Variants in CDH13 observed in about 807,000 individuals in gnomAD.
The protein encoded by CDH13 is cadherin-13.
CDH13 carries 24 observed loss-of-function variants against 63.8 expected under a neutral mutation model. That is an observed-to-expected ratio of 0.38 (90% CI 0.27 to 0.53). The LOEUF is 0.53. Among genes scored for constraint, CDH13 ranks in the 20% least tolerant of loss-of-function variants. CDH13 has a pLI of 0.85. For synonymous variants in CDH13, 503 were observed against 355.3 expected (o/e 1.42, Z -4.67); for missense variants, 1,049 against 903.1 (o/e 1.16, Z -2.07).
intron 4 of CDH13, among the ~76,000 whole-genome samples, chr16:83,216,443 T>TATATATATATATATATATATATAC (rs1472700247): frequency 1.1e-5 from 1 of 93,420 alleles, no homozygotes; most frequent in Non-Finnish European, 2.2e-5. Context: ...TATATATATA[T>TATATATATATATATATATATATAC]ACACAACCCT....
At chr16:83,181,710 T>A (rs545655087) in intron 4 of CDH13, among the ~76,000 whole-genome samples, 1 of 152,136 alleles carries the variant, frequency 6.6e-6, no homozygotes, top group African/African-American at 2.4e-5. Flanking sequence ...TAACCTGGGG[T>A]GTTCACCCTT....
chr16:83,314,968 G>A (rs2090076281), intron 5 of CDH13, among the ~76,000 whole-genome samples: 1 of 152,158 alleles, frequency 6.6e-6, no homozygotes. Context: ...AAAAGACTTG[G>A]GAGGTGGGCA....
At chr16:83,303,433 A>T (rs548562826) in intron 5 of CDH13, among the ~76,000 whole-genome samples, 2 of 152,310 alleles carry the variant, frequency 1.3e-5, no homozygotes, top group South Asian at 2.1e-4. Context: ...GGGAATGAAT[A>T]AGCCCAGTGC....
chr16:82,982,616 G>A (rs534644824), intron 2 of CDH13, among the ~76,000 whole-genome samples: 15 of 152,264 alleles, frequency 9.9e-5, no homozygotes, highest in Admixed American at 9.8e-4. Flanking sequence ...CCAGAGAAAT[G>A]CATTCTTATC....
chr16:83,173,973 G>A (rs887600605), intron 4 of CDH13, among the ~76,000 whole-genome samples: 1 of 152,060 alleles, frequency 6.6e-6, no homozygotes, highest in African/African-American at 2.4e-5. Context: ...TATCACACCA[G>A]CATGTAGAGA....
At chr16:83,315,123 A>G (rs556150717) in intron 5 of CDH13, among the ~76,000 whole-genome samples, 15 of 152,352 alleles carry the variant, frequency 9.8e-5, no homozygotes, top group African/African-American at 3.6e-4. Flanking sequence ...AACCAGCACA[A>G]TAGTAGCCTG....
intron 3 of CDH13, among the ~76,000 whole-genome samples, chr16:83,058,349 C>T (rs1230635917): frequency 6.6e-6 from 1 of 152,190 alleles, no homozygotes; most frequent in Non-Finnish European, 1.5e-5. Flanking sequence ...GGGTTTTCTG[C>T]GTGTGCCGCT....
At chr16:83,383,121 A>C (rs1171561915) in intron 6 of CDH13, 5 of 152,186 alleles carry the variant, frequency 3.3e-5, no homozygotes, top group African/African-American at 1.2e-4. Flanking sequence ...GTTTGGAAGA[A>C]TGCAGCCCTA....
chr16:82,797,141 A>G (rs1242919812), intron 1 of CDH13, among the ~76,000 whole-genome samples: 1 of 152,160 alleles, frequency 6.6e-6, no homozygotes, highest in Non-Finnish European at 1.5e-5. Context: ...TTTTATAATA[A>G]TGTTCAATAG....
intron 5 of CDH13, among the ~76,000 whole-genome samples, chr16:83,282,244 A>C (rs890254497): frequency 6.6e-6 from 1 of 152,228 alleles, no homozygotes; most frequent in Non-Finnish European, 1.5e-5. Context: ...TCAGATCATC[A>C]TAAGAGACAT....
At chr16:83,115,068 T>G (rs2151627436) in intron 3 of CDH13, among the ~76,000 whole-genome samples, 2 of 152,340 alleles carry the variant, frequency 1.3e-5, no homozygotes, top group Middle Eastern at 6.8e-3. Flanking sequence ...TGTGATTATC[T>G]AGTTATACCT....
chr16:83,165,786 G>A (rs1028473562), intron 4 of CDH13, among the ~76,000 whole-genome samples: 1 of 151,994 alleles, frequency 6.6e-6, no homozygotes, highest in Non-Finnish European at 1.5e-5. Flanking sequence ...CAGGAGAGAA[G>A]GCAGAACTAG....
At chr16:83,659,583 C>A (rs562149604) in intron 8 of CDH13, among the ~76,000 whole-genome samples, 62 of 152,310 alleles carry the variant, frequency 4.1e-4, no homozygotes, top group African/African-American at 1.3e-3. Context: ...TGCCTGGGCC[C>A]CATCCAAGAA....
intron 5 of CDH13, among the ~76,000 whole-genome samples, chr16:83,271,704 C>G (rs781482921): frequency 6.6e-6 from 1 of 151,878 alleles, no homozygotes; most frequent in Non-Finnish European, 1.5e-5. Context: ...TTATAGAAAC[C>G]TTTCTTTTAT....
intron 8 of CDH13, among the ~76,000 whole-genome samples, chr16:83,660,901 A>G (rs1216068913): frequency 6.6e-6 from 1 of 150,950 alleles, no homozygotes; most frequent in Non-Finnish European, 1.5e-5. Flanking sequence ...ACGTCCAATG[A>G]AATAAAGTAT....
chr16:83,696,514 C>G (rs1375879534), intron 10 of CDH13, among the ~76,000 whole-genome samples: 2 of 152,184 alleles, frequency 1.3e-5, no homozygotes, highest in African/African-American at 4.8e-5. Context: ...AGGGAGTTCA[C>G]TGGGAGTGGG....
At chr16:83,332,049 A>G (rs902953489) in intron 5 of CDH13, among the ~76,000 whole-genome samples, 13 of 152,296 alleles carry the variant, frequency 8.5e-5, no homozygotes, top group African/African-American at 3.1e-4. Flanking sequence ...TTGATAATAT[A>G]TGAGAGTTTA....
chr16:82,928,501 A>G (rs1178646966), intron 2 of CDH13, among the ~76,000 whole-genome samples: 1 of 152,222 alleles, frequency 6.6e-6, no homozygotes, highest in African/African-American at 2.4e-5. Flanking sequence ...TCCACACACC[A>G]GGGATACTAT....
chr16:83,282,502 C>CA (rs112314555), intron 5 of CDH13, among the ~76,000 whole-genome samples: 2,403 of 151,884 alleles, frequency 0.016, 60 homozygotes, highest in African/African-American at 0.051. Context: ...GGCTCCAACC[C>CA]AAAAAATAGT....
Sources: allele counts gnomAD v4.1 joint callset (sites outside exome capture counted in the v4.1 genomes callset), GRCh38; gene constraint gnomAD v4.1.1; transcripts MANE v1.5; gene names NCBI Gene and HGNC (gene_info 2026-07-23, HGNC 2026-07-21).